Variants in PPP2R3A observed in about 807,000 individuals in gnomAD.
PPP2R3A encodes protein phosphatase 2 regulatory subunit B''alpha.
In PPP2R3A, 80 loss-of-function variants were observed where a neutral mutation model predicts 106.9. The observed-to-expected ratio is 0.75, with a 90% CI of 0.62 to 0.90. PPP2R3A has a LOEUF of 0.90. PPP2R3A is among the 40% of genes least tolerant of loss of function. The pLI, the probability that PPP2R3A is intolerant of heterozygous loss-of-function variation, is 0.00. For missense variants in PPP2R3A, 1,386 were observed against 1,350.4 expected (o/e 1.03, Z -0.41); for synonymous variants, 483 against 468.3 (o/e 1.03, Z -0.41).
intron 8 of PPP2R3A, among the ~76,000 whole-genome samples, chr3:136,083,163 G>A (rs1296506738): frequency 1.3e-5 from 2 of 152,084 alleles, no homozygotes; most frequent in South Asian, 2.1e-4. Flanking sequence ...ACAGGCACAT[G>A]CCACCATACC....
intron 13 of PPP2R3A, among the ~76,000 whole-genome samples, chr3:136,119,499 G>T (rs1937909142): frequency 6.6e-6 from 1 of 152,126 alleles, no homozygotes; most frequent in Non-Finnish European, 1.5e-5. Context: ...AATCTACAAA[G>T]AACTTAAACA....
At chr3:136,013,943 T>C (rs1470015917) in intron 2 of PPP2R3A, among the ~76,000 whole-genome samples, 1 of 152,128 alleles carries the variant, frequency 6.6e-6, no homozygotes, top group Non-Finnish European at 1.5e-5. Context: ...GTTTTTCCGA[T>C]GTTGTCTTCT....
At chr3:136,037,757 A>G (rs1203823885) in intron 3 of PPP2R3A, among the ~76,000 whole-genome samples, 1 of 152,178 alleles carries the variant, frequency 6.6e-6, no homozygotes, top group East Asian at 1.9e-4. Context: ...TCATTAGACA[A>G]CCTTGCTTTG....
chr3:135,978,212 G>A (rs1937475007), intron 1 of PPP2R3A, among the ~76,000 whole-genome samples: 1 of 148,968 alleles, frequency 6.7e-6, no homozygotes, highest in Non-Finnish European at 1.5e-5. Context: ...ATTTACATAT[G>A]CATGTAATTG....
At chr3:135,975,654 A>AT (rs147554004) in intron 1 of PPP2R3A, among the ~76,000 whole-genome samples, 1 of 151,934 alleles carries the variant, frequency 6.6e-6, no homozygotes, top group South Asian at 2.1e-4. Flanking sequence ...GTTGTTTCCA[A>AT]TTTTTCCGTG....
rs1376186709 is a variant in PPP2R3A at position 135,985,957 on chromosome 3, G to A, written c.-440-15102G>A. Reference sequence around the variant, plus strand: ...GCCATAAATGACTGCAATAAGGAACGATAGTAGGCAGTAGAGTCTGATGGT... The same window carrying A: ...GCCATAAATGACTGCAATAAGGAACAATAGTAGGCAGTAGAGTCTGATGGT... On this transcript the variant is annotated intron_variant, in intron 1 of 13. Transcript: ENST00000264977. Among the ~76,000 whole-genome samples, 7 of 152,250 alleles carry A rather than the reference G, an allele frequency of 4.6e-5. No homozygotes were observed. In the South Asian group the frequency reaches 8.3e-4, roughly 18 times the overall value.
At chr3:136,030,758 T>TCA (rs1246166456) in intron 3 of PPP2R3A, among the ~76,000 whole-genome samples, 1 of 79,894 alleles carries the variant, frequency 1.3e-5, no homozygotes, top group East Asian at 2.3e-4. Flanking sequence ...TAGTATTCCA[T>TCA]CACATATATA....
At chr3:136,052,762 A>G (rs1935725970) in intron 5 of PPP2R3A, among the ~76,000 whole-genome samples, 1 of 152,210 alleles carries the variant, frequency 6.6e-6, no homozygotes, top group Admixed American at 6.5e-5. Flanking sequence ...GAGAAATCTT[A>G]TTTGTATTTA....
chr3:136,015,819 G>C (rs1391091084), intron 2 of PPP2R3A, among the ~76,000 whole-genome samples: 2 of 151,594 alleles, frequency 1.3e-5, no homozygotes, highest in Admixed American at 6.6e-5. Context: ...ATTTCATTTA[G>C]TTCTGCTCTG....
chr3:136,143,879 T>C (rs1284329842), intron 13 of PPP2R3A, among the ~76,000 whole-genome samples: 1 of 152,206 alleles, frequency 6.6e-6, no homozygotes, highest in African/African-American at 2.4e-5. Context: ...CCTCACTAAT[T>C]GGCCCCAATT....
At chr3:136,120,291 T>A (rs543304945) in intron 13 of PPP2R3A, among the ~76,000 whole-genome samples, 60 of 151,794 alleles carry the variant, frequency 4.0e-4, no homozygotes, top group East Asian at 2.9e-3. Context: ...TATAATTTTT[T>A]AAAAAAAAGC....
intron 5 of PPP2R3A, among the ~76,000 whole-genome samples, chr3:136,064,171 A>G: frequency 6.6e-6 from 1 of 151,282 alleles, no homozygotes. Context: ...AAAAGGACAA[A>G]AAACCAAACA....
At chr3:136,098,949 C>T (rs1937284920) in intron 10 of PPP2R3A, among the ~76,000 whole-genome samples, 1 of 152,146 alleles carries the variant, frequency 6.6e-6, no homozygotes, top group African/African-American at 2.4e-5. Flanking sequence ...GAACATAAAA[C>T]AGAGGGTCTC....
At chr3:135,984,023 G>A (rs9843725) in intron 1 of PPP2R3A, among the ~76,000 whole-genome samples, 35,093 of 152,046 alleles carry the variant, frequency 0.23, 4,864 homozygotes, top group Non-Finnish European at 0.32. Flanking sequence ...CAAAATTGGA[G>A]TTTAACAGAA....
chr3:136,093,857 A>G (rs776186115), intron 10 of PPP2R3A, among the ~76,000 whole-genome samples: 80 of 152,346 alleles, frequency 5.3e-4, no homozygotes, highest in Non-Finnish European at 9.8e-4. Context: ...GGTTAAACAT[A>G]TCATATGACC....
chr3:135,984,261 A>G (rs1025158427), intron 1 of PPP2R3A, among the ~76,000 whole-genome samples: 2 of 152,212 alleles, frequency 1.3e-5, no homozygotes, highest in African/African-American at 4.8e-5. Context: ...TAGACATAGT[A>G]TATGACAAAA....
chr3:136,041,247 T>TG (rs1935264942), intron 4 of PPP2R3A, among the ~76,000 whole-genome samples: 2 of 67,130 alleles, frequency 3.0e-5, no homozygotes, highest in Admixed American at 1.2e-4. Flanking sequence ...TGTTTTTTTT[T>TG]TTGTTTTTTT....
intron 13 of PPP2R3A, among the ~76,000 whole-genome samples, chr3:136,118,530 C>A (rs1373926715): frequency 6.6e-6 from 1 of 152,206 alleles, no homozygotes; most frequent in Non-Finnish European, 1.5e-5. Flanking sequence ...TCAGCAAAGT[C>A]TCAGGATACA....
At chr3:136,055,492 T>C in intron 5 of PPP2R3A, 2 of 1,170,128 alleles carry the variant, frequency 1.7e-6, no homozygotes, top group Non-Finnish European at 2.6e-6. Flanking sequence ...CAGAGACCAG[T>C]TTAGTTTGGA....
Sources: allele counts gnomAD v4.1 joint callset (sites outside exome capture counted in the v4.1 genomes callset), GRCh38; gene constraint gnomAD v4.1.1; transcripts MANE v1.5; gene names NCBI Gene and HGNC (gene_info 2026-07-23, HGNC 2026-07-21).